The following NELL1 variants were observed in gnomAD, a reference collection of about 807,000 sequenced individuals.
The protein encoded by NELL1 is protein kinase C-binding protein NELL1.
In NELL1, 76 loss-of-function variants were observed where a neutral mutation model predicts 107.4. The observed-to-expected ratio is 0.71, with a 90% CI of 0.59 to 0.86. NELL1 has a LOEUF of 0.86. NELL1 is among the 40% of genes least tolerant of loss of function. The pLI, the probability that NELL1 is intolerant of heterozygous loss-of-function variation, is 0.00. For missense variants in NELL1, 1,024 were observed against 1,005.5 expected (o/e 1.02, Z -0.25); for synonymous variants, 353 against 341.2 (o/e 1.03, Z -0.38).
intron 15 of NELL1, among the ~76,000 whole-genome samples, chr11:21,518,544 T>C (rs1272824722): frequency 6.6e-6 from 1 of 152,168 alleles, no homozygotes; most frequent in Non-Finnish European, 1.5e-5. Context: ...CAAATTGTAT[T>C]CCTCCTTTTA....
intron 13 of NELL1, among the ~76,000 whole-genome samples, chr11:21,117,485 GA>G (rs1855265140): frequency 6.6e-6 from 1 of 151,880 alleles, no homozygotes; most frequent in African/African-American, 2.4e-5. Flanking sequence ...TTTCACTTTT[GA>G]AAACCTCATT....
chr11:21,207,973 A>G (rs1857424430), intron 13 of NELL1, among the ~76,000 whole-genome samples: 1 of 152,190 alleles, frequency 6.6e-6, no homozygotes, highest in Non-Finnish European at 1.5e-5. Context: ...AAAGGTTACA[A>G]TAGTGAAGCA....
intron 2 of NELL1, among the ~76,000 whole-genome samples, chr11:20,681,492 C>T (rs1451725388): frequency 6.6e-6 from 1 of 151,988 alleles, no homozygotes; most frequent in Non-Finnish European, 1.5e-5. Context: ...TTATTTTTAA[C>T]TCCCTGTTGA....
chr11:21,428,132 G>T (rs1448283871), intron 15 of NELL1, among the ~76,000 whole-genome samples: 1 of 152,180 alleles, frequency 6.6e-6, no homozygotes, highest in Non-Finnish European at 1.5e-5. Context: ...ATGTCAATCA[G>T]CTGGCTGTGG....
At chr11:21,419,945 A>G (rs1370909875) in intron 15 of NELL1, among the ~76,000 whole-genome samples, 1 of 152,070 alleles carries the variant, frequency 6.6e-6, no homozygotes, top group Non-Finnish European at 1.5e-5. Context: ...CTTATTGACA[A>G]TTTGTTATAA....
intron 15 of NELL1, among the ~76,000 whole-genome samples, chr11:21,445,061 C>G (rs1853385704): frequency 6.6e-6 from 1 of 152,124 alleles, no homozygotes; most frequent in African/African-American, 2.4e-5. Context: ...TAATAAATGT[C>G]TATACTTTGT....
chr11:21,000,607 A>G (rs1182910069), intron 12 of NELL1, among the ~76,000 whole-genome samples: 1 of 152,244 alleles, frequency 6.6e-6, no homozygotes, highest in East Asian at 1.9e-4. Context: ...CATGGAAAAG[A>G]GTGATATAAT....
chr11:21,140,126 G>A (rs1012782606), intron 13 of NELL1, among the ~76,000 whole-genome samples: 16 of 152,234 alleles, frequency 1.1e-4, no homozygotes, highest in Admixed American at 8.5e-4. Flanking sequence ...CAGATACACT[G>A]ATTCGCTGAA....
At chr11:21,065,711 A>G (rs776923303) in intron 12 of NELL1, among the ~76,000 whole-genome samples, 2 of 152,224 alleles carry the variant, frequency 1.3e-5, no homozygotes, top group Non-Finnish European at 2.9e-5. Context: ...ACTTTTAGTT[A>G]CTATAAAATG....
intron 2 of NELL1, among the ~76,000 whole-genome samples, chr11:20,712,306 A>ATT (rs34048107): frequency 7.3e-5 from 11 of 151,672 alleles, no homozygotes; most frequent in African/African-American, 1.5e-4. Flanking sequence ...AGAAATTATA[A>ATT]TTTTTTTTAT....
intron 13 of NELL1, among the ~76,000 whole-genome samples, chr11:21,188,793 C>G (rs1300729102): frequency 6.6e-6 from 1 of 151,706 alleles, no homozygotes; most frequent in East Asian, 1.9e-4. Flanking sequence ...AGAATTCTTT[C>G]CAGTATAAAT....
chr11:20,669,574 T>A (rs763838966), upstream of NELL1: 2 of 512,658 alleles, frequency 3.9e-6, no homozygotes, highest in South Asian at 4.7e-5. The surrounding 1 kb of genome is among the most constrained non-coding windows in gnomAD (Gnocchi z 4.4). Flanking sequence ...CGGGCGCATA[T>A]GCGAGCGCAG....
chr11:20,855,757 GA>G (rs941710082), intron 4 of NELL1, among the ~76,000 whole-genome samples: 10 of 151,986 alleles, frequency 6.6e-5, no homozygotes, highest in African/African-American at 2.2e-4. Context: ...AACTCTGTTT[GA>G]AAAAAACATA....
intron 14 of NELL1, among the ~76,000 whole-genome samples, chr11:21,330,427 T>G (rs1460527243): frequency 1.3e-5 from 2 of 152,086 alleles, no homozygotes; most frequent in Non-Finnish European, 2.9e-5. Context: ...AGCAACAAAT[T>G]CTGTCAATTT....
chr11:21,098,362 T>G (rs1854705765), intron 12 of NELL1, among the ~76,000 whole-genome samples: 1 of 152,208 alleles, frequency 6.6e-6, no homozygotes, highest in Non-Finnish European at 1.5e-5. Context: ...TATTTTTACC[T>G]CTGTCTCTTC....
At chr11:21,068,818 C>G (rs1222556691) in intron 12 of NELL1, among the ~76,000 whole-genome samples, 3 of 152,106 alleles carry the variant, frequency 2.0e-5, no homozygotes, top group African/African-American at 7.2e-5. Context: ...TTTTGAATAC[C>G]TAAAGTTTGC....
chr11:21,045,931 A>T (rs1037339339), intron 12 of NELL1, among the ~76,000 whole-genome samples: 1 of 152,120 alleles, frequency 6.6e-6, no homozygotes, highest in Non-Finnish European at 1.5e-5. Context: ...ATTTCTTGTT[A>T]ATGTTATTTC....
intron 12 of NELL1, among the ~76,000 whole-genome samples, chr11:21,001,817 T>C (rs1378150093): frequency 6.6e-6 from 1 of 151,414 alleles, no homozygotes; most frequent in Non-Finnish European, 1.5e-5. Flanking sequence ...TCTGGAGAAA[T>C]TGCACATTTC....
At chr11:21,528,270 G>A (rs1467192042) in intron 15 of NELL1, among the ~76,000 whole-genome samples, 1 of 152,142 alleles carries the variant, frequency 6.6e-6, no homozygotes, top group Non-Finnish European at 1.5e-5. Context: ...CTGTGGTTTA[G>A]ATGTGATTTG....
Sources: allele counts gnomAD v4.1 joint callset (sites outside exome capture counted in the v4.1 genomes callset), GRCh38; gene constraint gnomAD v4.1.1; non-coding constraint Gnocchi (gnomAD v3.1); transcripts MANE v1.5; gene names NCBI Gene and HGNC (gene_info 2026-07-23, HGNC 2026-07-21).